FBN1: variants seen among roughly 807,000 people sequenced by gnomAD.
The protein encoded by FBN1 is fibrillin 1.
Under a neutral mutation model 365.1 loss-of-function variants are expected in FBN1, and 29 were observed. The observed-to-expected ratio is 0.08, with a 90% CI of 0.06 to 0.11. FBN1 has a LOEUF of 0.11. Ranked by LOEUF, FBN1 falls within the 10% of genes least tolerant of loss-of-function variation. The probability of loss-of-function intolerance (pLI) is 1.00; values close to 1 mark genes in which losing one functional copy is unlikely to be tolerated. For missense variants in FBN1, 2,476 were observed against 3,703.2 expected (o/e 0.67, Z 8.60); for synonymous variants, 1,210 against 1,270.5 (o/e 0.95, Z 1.01).
intron 4 of FBN1, among the ~76,000 whole-genome samples, chr15:48,607,487 T>A (rs558467172): frequency 2.4e-4 from 36 of 150,760 alleles, no homozygotes; most frequent in Non-Finnish European, 4.0e-4. Flanking sequence ...GGTGATTAAG[T>A]TATGCAGGCA....
chr15:48,455,382 A>G (rs1263447375), intron 44 of FBN1, among the ~76,000 whole-genome samples: 1 of 152,174 alleles, frequency 6.6e-6, no homozygotes, highest in Non-Finnish European at 1.5e-5. Context: ...TTCAGCAAAT[A>G]TAAGTGGTTA....
At chr15:48,562,050 G>A (rs182106368) in intron 6 of FBN1, among the ~76,000 whole-genome samples, 5 of 152,246 alleles carry the variant, frequency 3.3e-5, no homozygotes, top group East Asian at 1.9e-4. Flanking sequence ...CAATCATGAC[G>A]TAAGTTGTCA....
intron 23 of FBN1, among the ~76,000 whole-genome samples, 174 bp downstream of exon 23, chr15:48,494,030 A>G (rs923618528): frequency 6.6e-6 from 1 of 152,218 alleles, no homozygotes; most frequent in Non-Finnish European, 1.5e-5. Flanking sequence ...CACTAGCAAC[A>G]GTATATATAT....
intron 4 of FBN1, among the ~76,000 whole-genome samples, chr15:48,600,914 G>A (rs1006437108): frequency 6.6e-6 from 1 of 152,168 alleles, no homozygotes; most frequent in Non-Finnish European, 1.5e-5. Context: ...CCAGGTAGAT[G>A]GCACAGGGGA....
intron 6 of FBN1, among the ~76,000 whole-genome samples, chr15:48,557,606 T>C (rs531577029): frequency 2.0e-4 from 30 of 152,166 alleles, no homozygotes; most frequent in Non-Finnish European, 3.4e-4. Context: ...AGCGACAAAG[T>C]TGAGTGAATG....
chr15:48,625,522 T>G (rs1464450750), intron 2 of FBN1, among the ~76,000 whole-genome samples: 6 of 152,230 alleles, frequency 3.9e-5, no homozygotes, highest in African/African-American at 1.4e-4. Context: ...CTGGACCCCC[T>G]GCATGAGACC....
chr15:48,518,055 A>G (rs1314479882), intron 10 of FBN1, among the ~76,000 whole-genome samples: 1 of 152,182 alleles, frequency 6.6e-6, no homozygotes, highest in African/African-American at 2.4e-5. Context: ...TTATGTTTTC[A>G]GATAATTCTC....
intron 16 of FBN1, 34 bp from the exon 17 acceptor site, chr15:48,503,973 C>A: frequency 6.2e-7 from 1 of 1,613,156 alleles, no homozygotes; most frequent in South Asian, 1.1e-5. Flanking sequence ...ATCACACTGT[C>A]ACTTCAAACA....
chr15:48,520,552 G>T, intron 10 of FBN1, 107 bp downstream of exon 10: 5 of 1,295,410 alleles, frequency 3.9e-6, no homozygotes, highest in Non-Finnish European at 5.4e-6. Flanking sequence ...ATTTCCTGGA[G>T]ACTACTCATT....
chr15:48,476,209 T>C (rs1360580108), intron 32 of FBN1, among the ~76,000 whole-genome samples: 1 of 152,196 alleles, frequency 6.6e-6, no homozygotes, highest in Non-Finnish European at 1.5e-5. Flanking sequence ...CTAGCACAAA[T>C]ACTCCCAAGC....
Position 48,419,620 on chromosome 15 carries a change from A to T in FBN1, c.7819+1067T>A, listed in dbSNP as rs754348027. 3.3e-5 allele frequency among the ~76,000 whole-genome samples: 5 copies of T among 152,230 alleles called. No individual in the cohort carries two copies. In the East Asian group the frequency reaches 9.6e-4, roughly 29 times the overall value. ...CAGGGGTCACTTCAGTCAACCCTAC[A>T]TGCCACTGCAAAACTGTCTTGTGTA... On this transcript the variant is annotated intron_variant, in intron 63 of 65. Coordinates refer to ENST00000316623, the MANE Select transcript of FBN1 (RefSeq NM_000138.5).
intron 47 of FBN1, among the ~76,000 whole-genome samples, chr15:48,446,239 G>A (rs527445946): frequency 6.6e-6 from 1 of 152,164 alleles, no homozygotes; most frequent in African/African-American, 2.4e-5. Flanking sequence ...GTTATCCAAG[G>A]TCAGCTGCTA....
chr15:48,480,235 T>C (rs934307210), intron 32 of FBN1, among the ~76,000 whole-genome samples: 3 of 152,174 alleles, frequency 2.0e-5, no homozygotes, highest in South Asian at 2.1e-4. Context: ...TGAATTTCAA[T>C]GTGCTCAGCT....
intron 7 of FBN1, among the ~76,000 whole-genome samples, chr15:48,535,364 G>T (rs1227530124): frequency 1.3e-5 from 2 of 152,162 alleles, no homozygotes; most frequent in Non-Finnish European, 2.9e-5. Flanking sequence ...TTTCTTCACT[G>T]TTGTATAACC....
intron 6 of FBN1, among the ~76,000 whole-genome samples, chr15:48,569,585 T>C (rs2044289844): frequency 6.6e-6 from 1 of 152,106 alleles, no homozygotes; most frequent in Non-Finnish European, 1.5e-5. Context: ...CATCAGCTGG[T>C]GAATGTATGA....
chr15:48,571,679 A>ACTTAGAC (rs879632827), intron 6 of FBN1, among the ~76,000 whole-genome samples: 23 of 152,294 alleles, frequency 1.5e-4, no homozygotes, highest in Admixed American at 1.5e-3. Context: ...TGAAACCAAA[A>ACTTAGAC]CTTAGACATG....
intron 32 of FBN1, among the ~76,000 whole-genome samples, chr15:48,479,278 C>G (rs1439088611): frequency 6.6e-6 from 1 of 152,202 alleles, no homozygotes. Context: ...GTATACCAAA[C>G]TTACTGTTTG....
At chr15:48,502,064 T>C (rs1426451078) in intron 17 of FBN1, among the ~76,000 whole-genome samples, 2 of 152,320 alleles carry the variant, frequency 1.3e-5, no homozygotes, top group East Asian at 1.9e-4. Context: ...AGTCTCGCTC[T>C]GTCACCCACG....
intron 2 of FBN1, among the ~76,000 whole-genome samples, chr15:48,638,249 A>G (rs762557760): frequency 3.3e-5 from 5 of 152,086 alleles, no homozygotes; most frequent in Admixed American, 6.5e-5. Context: ...CATTCCCACA[A>G]TGATGCTTCC....
Sources: gnomAD v4.1 joint callset for allele counts (sites outside exome capture counted in the v4.1 genomes callset) on GRCh38, gnomAD v4.1.1 for gene constraint, MANE v1.5 for transcripts, NCBI Gene and HGNC (gene_info 2026-07-23, HGNC 2026-07-21) for gene names.